Variants in PCDH9 observed in about 807,000 individuals in gnomAD.
The protein encoded by PCDH9 is protocadherin-9.
PCDH9 carries 24 observed loss-of-function variants against 70.6 expected under a neutral mutation model. The observed-to-expected ratio is 0.34, with a 90% CI of 0.25 to 0.48. The LOEUF is 0.48. PCDH9 is among the 20% of genes least tolerant of loss of function. The pLI, the probability that PCDH9 is intolerant of heterozygous loss-of-function variation, is 0.99. For synonymous variants in PCDH9, 562 were observed against 558.5 expected (o/e 1.01, Z -0.09); for missense variants, 1,281 against 1,503.6 (o/e 0.85, Z 2.45).
intron 3 of PCDH9, among the ~76,000 whole-genome samples, chr13:66,801,436 G>A (rs984898566): frequency 6.6e-6 from 1 of 152,052 alleles, no homozygotes; most frequent in African/African-American, 2.4e-5. Flanking sequence ...ACTGATATTT[G>A]CCCTGTAACA....
chr13:66,320,484 C>A (rs986233953), intron 4 of PCDH9, among the ~76,000 whole-genome samples: 1 of 151,878 alleles, frequency 6.6e-6, no homozygotes, highest in Non-Finnish European at 1.5e-5. Context: ...ATCTGTGAAC[C>A]TTTGGCAAGA....
At chr13:66,728,843 CTTTTTGA>C (rs900884878) in intron 3 of PCDH9, among the ~76,000 whole-genome samples, 6 of 151,972 alleles carry the variant, frequency 3.9e-5, no homozygotes, top group Non-Finnish European at 7.4e-5. Context: ...TTCTGCTCTT[CTTTTTGA>C]TTTTTAATTC....
intron 4 of PCDH9, among the ~76,000 whole-genome samples, chr13:66,476,495 G>A (rs938541294): frequency 4.6e-5 from 7 of 152,052 alleles, no homozygotes; most frequent in Non-Finnish European, 7.4e-5. Flanking sequence ...GTAACTACAT[G>A]AAATTATCAT....
intron 3 of PCDH9, among the ~76,000 whole-genome samples, chr13:66,798,081 A>G (rs1392089140): frequency 1.3e-5 from 2 of 152,046 alleles, no homozygotes; most frequent in Non-Finnish European, 2.9e-5. Context: ...GAGGATAAAA[A>G]GAGAGAAGAA....
At chr13:66,424,162 C>A (rs1957624067) in intron 4 of PCDH9, among the ~76,000 whole-genome samples, 1 of 151,998 alleles carries the variant, frequency 6.6e-6, no homozygotes, top group Admixed American at 6.6e-5. Context: ...AACCACTGCT[C>A]AAGGAAATAA....
chr13:66,930,290 C>A (rs1291487026), intron 2 of PCDH9, among the ~76,000 whole-genome samples: 1 of 152,116 alleles, frequency 6.6e-6, no homozygotes, highest in African/African-American at 2.4e-5. Context: ...TTTATTTCCT[C>A]TATTATTCCT....
intron 4 of PCDH9, among the ~76,000 whole-genome samples, chr13:66,500,121 C>A (rs1703715319): frequency 6.6e-6 from 1 of 152,148 alleles, no homozygotes; most frequent in South Asian, 2.1e-4. Flanking sequence ...ATATTTTCCT[C>A]TTCTATTTCT....
chr13:66,893,936 G>A (rs531434496), intron 3 of PCDH9, among the ~76,000 whole-genome samples: 88 of 152,010 alleles, frequency 5.8e-4, no homozygotes, highest in Non-Finnish European at 4.6e-4. Flanking sequence ...ATGACTTGCC[G>A]ATCATCATTT....
At chr13:67,024,818 T>C (rs968465997) in intron 2 of PCDH9, among the ~76,000 whole-genome samples, 2 of 152,066 alleles carry the variant, frequency 1.3e-5, no homozygotes, top group Admixed American at 1.3e-4. Context: ...GTAGAAAAAA[T>C]TATGAAATAC....
chr13:66,904,424 A>G (rs2082326780), intron 2 of PCDH9, among the ~76,000 whole-genome samples: 1 of 151,968 alleles, frequency 6.6e-6, no homozygotes, highest in African/African-American at 2.4e-5. Flanking sequence ...GGCAAGCAAT[A>G]TTTGTAAGTA....
At chr13:67,201,596 A>G (rs2089213875) in intron 2 of PCDH9, 1 of 152,036 alleles carries the variant, frequency 6.6e-6, no homozygotes, top group Non-Finnish European at 1.5e-5. Flanking sequence ...TTGGCTATTT[A>G]AAATTTTCTA....
At chr13:66,846,377 C>G (rs1195862919) in intron 3 of PCDH9, among the ~76,000 whole-genome samples, 1 of 152,112 alleles carries the variant, frequency 6.6e-6, no homozygotes, top group Admixed American at 6.5e-5. Context: ...TTCAATCTCG[C>G]TGACTGATAG....
At chr13:66,400,536 T>A (rs779737311) in intron 4 of PCDH9, among the ~76,000 whole-genome samples, 1 of 152,166 alleles carries the variant, frequency 6.6e-6, no homozygotes, top group Non-Finnish European at 1.5e-5. Flanking sequence ...CCTTTATAAA[T>A]TTGCATTTGC....
chr13:67,208,751 C>T (rs1206644799), intron 2 of PCDH9: 1 of 152,228 alleles, frequency 6.6e-6, no homozygotes, highest in African/African-American at 2.4e-5. Flanking sequence ...ATACAGAAGG[C>T]TTTACCAGAA....
chr13:66,934,882 G>A (rs1230833879), intron 2 of PCDH9, among the ~76,000 whole-genome samples: 4 of 147,014 alleles, frequency 2.7e-5, no homozygotes, highest in East Asian at 2.1e-4. Context: ...TACCACGCCC[G>A]GCTAATTTTT....
chr13:66,487,727 A>G (rs1958968030), intron 4 of PCDH9, among the ~76,000 whole-genome samples: 1 of 152,158 alleles, frequency 6.6e-6, no homozygotes. Flanking sequence ...TTATTGGGTG[A>G]ATTTTAGAAA....
chr13:66,646,971 G>A (rs2077779741), intron 3 of PCDH9, among the ~76,000 whole-genome samples: 1 of 152,094 alleles, frequency 6.6e-6, no homozygotes, highest in South Asian at 2.1e-4. Context: ...AGCAACACTG[G>A]GCAGAACTCA....
chr13:66,640,969 G>A (rs535865274), intron 3 of PCDH9, among the ~76,000 whole-genome samples: 7 of 151,922 alleles, frequency 4.6e-5, no homozygotes, highest in African/African-American at 1.4e-4. Flanking sequence ...TCTGCCTCCC[G>A]GGTTCGAGCA....
At chr13:66,453,596 A>G (rs1027755899) in intron 4 of PCDH9, among the ~76,000 whole-genome samples, 5 of 152,140 alleles carry the variant, frequency 3.3e-5, no homozygotes, top group African/African-American at 1.2e-4. Flanking sequence ...TAATTAAATC[A>G]GCTTCTCTTC....
Sources: gnomAD v4.1 joint callset for allele counts (sites outside exome capture counted in the v4.1 genomes callset) on GRCh38, gnomAD v4.1.1 for gene constraint, MANE v1.5 for transcripts, NCBI Gene and HGNC (gene_info 2026-07-23, HGNC 2026-07-21) for gene names.